STAG1: variants seen among roughly 807,000 people sequenced by gnomAD.
STAG1 encodes the protein STAG1 cohesin complex component.
In STAG1, 26 loss-of-function variants were observed where a neutral mutation model predicts 170.9. The ratio of observed to expected loss-of-function variants is 0.15; its 90% CI spans 0.11 to 0.21. STAG1 has a LOEUF of 0.21. STAG1 is among the 10% of genes least tolerant of loss of function. The probability of loss-of-function intolerance (pLI) is 1.00; values close to 1 mark genes in which losing one functional copy is unlikely to be tolerated. For missense variants in STAG1, 964 were observed against 1,509.5 expected (o/e 0.64, Z 5.99); for synonymous variants, 514 against 497.7 (o/e 1.03, Z -0.44).
intron 3 of STAG1, among the ~76,000 whole-genome samples, chr3:136,619,547 C>T (rs1003910688): frequency 1.3e-5 from 2 of 151,594 alleles, no homozygotes; most frequent in Non-Finnish European, 2.9e-5. Flanking sequence ...CACTTCAGGT[C>T]GGGAGTTCAA....
At chr3:136,490,424 G>A (rs1253560194) in intron 9 of STAG1, among the ~76,000 whole-genome samples, 1 of 152,068 alleles carries the variant, frequency 6.6e-6, no homozygotes, top group Non-Finnish European at 1.5e-5. Flanking sequence ...TAAAAACAGT[G>A]GCAAAATACA....
chr3:136,611,998 C>A (rs1939314671), intron 3 of STAG1, among the ~76,000 whole-genome samples: 1 of 151,996 alleles, frequency 6.6e-6, no homozygotes, highest in Non-Finnish European at 1.5e-5. Flanking sequence ...CAGGTGCCCG[C>A]CACCATGCCC....
chr3:136,737,914 A>G (rs535574546), intron 1 of STAG1, among the ~76,000 whole-genome samples: 1 of 152,038 alleles, frequency 6.6e-6, no homozygotes, highest in East Asian at 2.0e-4. Context: ...CTAAAAATAC[A>G]AAAATTAGCC....
At chr3:136,710,909 C>T (rs1576795503) in intron 1 of STAG1, among the ~76,000 whole-genome samples, 1 of 151,894 alleles carries the variant, frequency 6.6e-6, no homozygotes, top group African/African-American at 2.4e-5. Flanking sequence ...ATTTGTGTAC[C>T]ATCCTGGACT....
At position 136,521,621 on chromosome 3, in the gene STAG1, T is replaced by C. The variant is rs148664017; in HGVS notation, c.472-204A>G. 1.0e-3 allele frequency among the ~76,000 whole-genome samples: 159 copies of C among 152,316 alleles called. No homozygotes were observed. The Middle Eastern group carries it at 0.02, about 20-fold the overall frequency. On this transcript the variant is annotated intron_variant, in intron 6 of 33. Transcript: ENST00000383202. The stretch of plus-strand genomic sequence containing the variant: ...AAGTAATTCTTAAAATACTCAAAAT[T>C]ACTATTTTAGAACCAGCATCTACTT...
chr3:136,452,199 C>T (rs770539458), intron 13 of STAG1, 52 bp from the exon 14 acceptor site: 19 of 1,067,132 alleles, frequency 1.8e-5, no homozygotes, highest in Non-Finnish European at 7.2e-6. Flanking sequence ...GAACTTTAGT[C>T]TTCCCTCAAC....
intron 4 of STAG1, among the ~76,000 whole-genome samples, chr3:136,579,790 AT>A (rs1302337311): frequency 6.6e-6 from 1 of 152,154 alleles, no homozygotes; most frequent in Non-Finnish European, 1.5e-5. Context: ...CTCCCCGTTC[AT>A]CATAAACAAT....
intron 1 of STAG1, among the ~76,000 whole-genome samples, chr3:136,674,193 A>AGGAGGGAGGGAGGGAT (rs1559943569): frequency 1.2e-5 from 1 of 82,720 alleles, no homozygotes; most frequent in Non-Finnish European, 2.4e-5. Context: ...GAGGGAGGGA[A>AGGAGGGAGGGAGGGAT]GGAGGGAAGG....
Position 136,443,325 on chromosome 3 carries a change from G to C in STAG1, c.1508C>G (p.Thr503Arg), listed in dbSNP as rs1233247686. 1 of 1,613,718 alleles carries C rather than the reference G, an allele frequency of 6.2e-7. No homozygotes were observed. ...AACAGGTTCTTCTAATAGCAACTCT[G>C]TCATACATTCCCAGTCTTTCAACAG... ...QELLKDWECM[T>R]ELLLEEPVQG... The change falls in exon 15 of 34, where the codon ACA becomes AGA. Residue 503 changes from threonine (T) to arginine (R), a missense_variant. Physicochemically the swap from Thr to Arg is moderately conservative, Grantham distance 71 (BLOSUM62 -1). This residue lies in a region of STAG1 where 162 missense variants were observed against 211.2 expected (regional missense o/e 0.77). Transcript: ENST00000383202.
At chr3:136,698,579 G>A (rs1354422451) in intron 1 of STAG1, among the ~76,000 whole-genome samples, 2 of 152,072 alleles carry the variant, frequency 1.3e-5, no homozygotes, top group Admixed American at 6.6e-5. Context: ...TACGGAAAAC[G>A]GTATGGAGAT....
intron 9 of STAG1, among the ~76,000 whole-genome samples, chr3:136,479,182 G>T (rs910649987): frequency 2.8e-5 from 4 of 145,438 alleles, no homozygotes; most frequent in Middle Eastern, 3.5e-3. Flanking sequence ...ACCCACCAAC[G>T]TGTCATCTAG....
At chr3:136,722,595 G>A (rs1282449088) in intron 1 of STAG1, among the ~76,000 whole-genome samples, 3 of 151,540 alleles carry the variant, frequency 2.0e-5, no homozygotes, top group Non-Finnish European at 4.4e-5. Context: ...GTTCAATTAA[G>A]ATTGGAGAGC....
intron 3 of STAG1, among the ~76,000 whole-genome samples, chr3:136,611,335 G>A (rs947539893): frequency 4.6e-5 from 7 of 151,952 alleles, no homozygotes; most frequent in Admixed American, 1.3e-4. Context: ...TTTTAGTAGA[G>A]ATGAGGTTTC....
At chr3:136,465,880 T>C (rs1172592315) in intron 12 of STAG1, among the ~76,000 whole-genome samples, 1 of 152,126 alleles carries the variant, frequency 6.6e-6, no homozygotes, top group Non-Finnish European at 1.5e-5. Flanking sequence ...CCTAATGGTA[T>C]TTTTAAAAAG....
chr3:136,400,030 C>T (rs1171448383), intron 21 of STAG1, among the ~76,000 whole-genome samples: 2 of 151,758 alleles, frequency 1.3e-5, no homozygotes, highest in East Asian at 3.9e-4. Flanking sequence ...TCAGGTGGTC[C>T]TCTCGCCTCA....
At chr3:136,719,288 T>A (rs141762261) in intron 1 of STAG1, among the ~76,000 whole-genome samples, 63 of 152,220 alleles carry the variant, frequency 4.1e-4, no homozygotes, top group African/African-American at 1.4e-3. Flanking sequence ...TCCAATTTTA[T>A]GAAATGTCCC....
At chr3:136,696,617 G>T (rs1359954408) in intron 1 of STAG1, among the ~76,000 whole-genome samples, 1 of 151,992 alleles carries the variant, frequency 6.6e-6, no homozygotes, top group Non-Finnish European at 1.5e-5. Context: ...GTGCATATTG[G>T]GGGAGTGAAG....
At chr3:136,421,966 G>C (rs927845120) in intron 19 of STAG1, among the ~76,000 whole-genome samples, 1 of 151,912 alleles carries the variant, frequency 6.6e-6, no homozygotes, top group Admixed American at 6.6e-5. Context: ...TGGTCAATAT[G>C]GTGAAAACCC....
rs1240988076 is a variant in STAG1, at chr3:136,516,677, C to T, written c.676+4536G>A. Among the ~76,000 whole-genome samples, 3 of 151,934 alleles carry T rather than the reference C, an allele frequency of 2.0e-5. No individual in the cohort carries two copies. In the East Asian group the frequency reaches 5.8e-4, roughly 29 times the overall value. ...CAAATCAATAAATTCTGAGTAAAAC[C>T]ATAAAGGAAGGGAAATATTGGCAAA... On this transcript the variant is annotated intron_variant, in intron 7 of 33. Coordinates refer to ENST00000383202, the MANE Select transcript of STAG1 (RefSeq NM_005862.3).
Sources: gnomAD v4.1 joint callset for allele counts (sites outside exome capture counted in the v4.1 genomes callset) on GRCh38, gnomAD v4.1.1 for gene constraint, gnomAD v4.1.1 regional missense constraint, MANE v1.5 for transcripts, NCBI Gene and HGNC (gene_info 2026-07-23, HGNC 2026-07-21) for gene names.